Variants in RCE1 observed in about 807,000 individuals in gnomAD.
RCE1 encodes the protein Ras converting CAAX endopeptidase 1, also known as CAAX prenyl protease 2.
RCE1 carries 15 observed loss-of-function variants against 35.0 expected under a neutral mutation model. The ratio of observed to expected loss-of-function variants is 0.43; its 90% CI spans 0.29 to 0.66. RCE1 has a LOEUF of 0.66. RCE1 is among the 30% of genes least tolerant of loss of function. The pLI is 0.17. For missense variants in RCE1, 434 were observed against 433.0 expected (o/e 1.00, Z -0.02); for synonymous variants, 261 against 192.7 (o/e 1.35, Z -2.94).
rs781649264 is a variant in RCE1, at chr11:66,843,760, G to A, written c.187G>A (p.Asp63Asn). The A allele has an allele frequency of 1.9e-6, 3 of 1,613,424 alleles. No individual in the cohort carries two copies. Among genetic ancestry groups the A allele is most frequent in the African/African-American group, 2.7e-5 (2 of 74,940 alleles). The change falls in exon 2 of 8, where the codon GAC (aspartate) becomes AAC (asparagine). Residue 63 changes from aspartate to asparagine, a missense_variant and splice_region_variant. Asp to Asn is a conservative substitution (Grantham distance 23). Coordinates refer to ENST00000309657, the MANE Select transcript of RCE1 (RefSeq NM_005133.3). Reference sequence around the variant, plus strand: ...CTGAACTTACTGTCCCCTCCGTAGGGACCATCCCGCGGTCATCAAGCGACG... The same window carrying A: ...CTGAACTTACTGTCCCCTCCGTAGGAACCATCCCGCGGTCATCAAGCGACG... ...LYVWKSELPR[D>N]HPAVIKRRFT...
At chr11:66,844,768 T>G in intron 4 of RCE1, 101 bp from the exon 5 acceptor site, 1 of 1,422,862 alleles carries the variant, frequency 7.0e-7, no homozygotes, top group African/African-American at 1.4e-5. Flanking sequence ...CTAACCTGAG[T>G]TTGGCCAGGG....
At chr11:66,844,507 A>G in intron 4 of RCE1, 143 bp downstream of exon 4, 1 of 1,190,576 alleles carries the variant, frequency 8.4e-7, no homozygotes, top group Non-Finnish European at 1.2e-6. Context: ...ATGGAAACAT[A>G]GAGCTAGGTG....
chr11:66,844,790 G>T, intron 4 of RCE1, 79 bp from the exon 5 acceptor site: 1 of 1,463,860 alleles, frequency 6.8e-7, no homozygotes. Context: ...AAAGTTGTGG[G>T]AGAGGAGCCC....
At chr11:66,844,087 GA>G (rs1167775497) in intron 3 of RCE1, 48 bp downstream of exon 3, 1 of 1,613,382 alleles carries the variant, frequency 6.2e-7, no homozygotes, top group African/African-American at 1.3e-5. Flanking sequence ...TTATCAGCCT[GA>G]TGGGCAGTGC....
chr11:66,845,867 G>C lies in RCE1; in HGVS notation c.762G>C (p.Leu254=), dbSNP rs142623990. ...TAFLFIRTGH[L]IGPVLCHSFC... is the part of the protein sequence containing the mutation. ...GCTGTCTCTTTTCCCCAGGACACCT[G>C]ATTGGGCCGGTTCTCTGCCATTCCT... Residue 254 remains leucine (L), a synonymous_variant, in exon 8 of 8, where the codon CTG becomes CTC. Transcript: ENST00000309657. 9 of 1,612,942 alleles carry C rather than the reference G, an allele frequency of 5.6e-6. No homozygotes were observed. The African/African-American group carries it at 1.1e-4, about 19-fold the overall frequency.
chr11:66,844,441 G>A (rs1945163089), intron 4 of RCE1, 77 bp downstream of exon 4: 6 of 1,553,104 alleles, frequency 3.9e-6, no homozygotes, highest in Non-Finnish European at 8.9e-7. Flanking sequence ...CGGGCTCAGG[G>A]TGTGATCTGG....
chr11:66,845,432 G>A, intron 6 of RCE1, 68 bp from the exon 7 acceptor site: 4 of 1,612,060 alleles, frequency 2.5e-6, no homozygotes, highest in Non-Finnish European at 3.4e-6. Context: ...GTCTTTGGCT[G>A]ATGGGTATGT....
rs895729736 is a variant in RCE1, at chr11:66,845,092, G to A, written c.619+56G>A. On this transcript the variant is annotated intron_variant, in intron 5 of 7. Coordinates refer to ENST00000309657, the MANE Select transcript of RCE1 (RefSeq NM_005133.3). Reference sequence around the variant, plus strand: ...TTTCAGCATGAGAGCTCAGAAGGGGGCTTGAGGTGAGGGGCAGTCCTAGAA... The same window carrying A: ...TTTCAGCATGAGAGCTCAGAAGGGGACTTGAGGTGAGGGGCAGTCCTAGAA... The A allele has an allele frequency of 4.3e-6, 7 of 1,612,072 alleles. No homozygotes were observed. The Admixed American group carries it at 1.2e-4, about 27-fold the overall frequency.
In RCE1 at chr11:66,845,845, G is replaced by C. The variant is rs373168879; in HGVS notation, c.755-15G>C. ...TGGTAGGGCTGCTCCCTGAGCTGCT[G>C]TCTCTTTTCCCCAGGACACCTGATT... On this transcript the variant is annotated splice_polypyrimidine_tract_variant and intron_variant, in intron 7 of 7. Transcript: ENST00000309657. 7.5e-6 allele frequency: 12 copies of C among 1,610,530 alleles called. No individual in the cohort carries two copies. Among genetic ancestry groups the C allele is most frequent in the Non-Finnish European group, 8.5e-6 (10 of 1,178,612 alleles).
In RCE1 at chr11:66,843,446, T is replaced by C; in HGVS notation, c.-10T>C. On this transcript the variant is annotated 5_prime_UTR_variant, in exon 1 of 8. Transcript: ENST00000309657. ...CTGCGTCACTGGTGCGCGCCGCGGG[T>C]CAGGGCGCAATGGCGGCGCTGGGCG... 2 of 1,400,628 alleles carry C rather than the reference T, an allele frequency of 1.4e-6. No homozygotes were observed. The highest frequency in any genetic ancestry group is 1.8e-6 in the Non-Finnish European group (2 of 1,091,652). The allele number at this position is 1,400,628 out of a possible 1,614,324, so 86.8% of individuals were successfully genotyped here. A position where few individuals can be genotyped will look rare whatever the true frequency, so the allele number is the denominator to read the frequency against.
At chr11:66,845,803 G>A in intron 7 of RCE1, 57 bp from the exon 8 acceptor site, 1 of 1,575,090 alleles carries the variant, frequency 6.3e-7, no homozygotes, top group Non-Finnish European at 8.6e-7. Flanking sequence ...CACTAGCCCT[G>A]GAAGGGCCAG....
chr11:66,844,659 C>A, intron 4 of RCE1: 1 of 831,930 alleles, frequency 1.2e-6, no homozygotes, highest in Non-Finnish European at 1.8e-6. Context: ...GAGTTTACTT[C>A]CAGGATGCCC....
At chr11:66,844,434 G>C (rs1400573240) in intron 4 of RCE1, 70 bp downstream of exon 4, 2 of 1,581,268 alleles carry the variant, frequency 1.3e-6, no homozygotes, top group Non-Finnish European at 1.7e-6. Flanking sequence ...GAGTCAGCGG[G>C]CTCAGGGTGT....
chr11:66,845,969 T>C lies in RCE1; in HGVS notation c.864T>C (p.Tyr288=). 1.2e-6 allele frequency: 2 copies of C among 1,613,900 alleles called. No homozygotes were observed. The highest frequency in any genetic ancestry group is 1.1e-5 in the South Asian group (1 of 91,092). ...HPQRRPLLAG[Y]ALGVGLFLLL... ...AGAGGCGGCCCCTGCTGGCAGGCTA[T>C]GCCCTGGGTGTGGGACTCTTCCTGC... is the stretch of plus-strand genomic sequence containing the variant. Residue 288 remains tyrosine, a synonymous_variant, in exon 8 of 8, where the codon TAT becomes TAC. Transcript: ENST00000309657.
At position 66,846,025 on chromosome 11, in the gene RCE1, T is replaced by C; in HGVS notation, c.920T>C (p.Leu307Pro). ...CTCCAGCCCCTCACGGACCCCAAGC[T>C]CTACGGCAGCCTTCCCCTTTGTGTG... ...LLLQPLTDPK[L>P]YGSLPLCVLL... is the part of the protein sequence containing the mutation. The change falls in exon 8 of 8, where the codon CTC (leucine) becomes CCC (proline). Residue 307 changes from leucine (L) to proline (P), a missense_variant. Transcript: ENST00000309657. The C allele has an allele frequency of 6.2e-7, 1 of 1,613,830 alleles. No homozygotes were observed. Among genetic ancestry groups the C allele is most frequent in the Non-Finnish European group, 8.5e-7 (1 of 1,179,996 alleles).
At chr11:66,844,827 GA>G in intron 4 of RCE1, 41 bp from the exon 5 acceptor site, 1 of 1,501,970 alleles carries the variant, frequency 6.7e-7, no homozygotes, top group South Asian at 1.4e-5. Flanking sequence ...CTCACTGTCT[GA>G]CAGCCCGTCA....
Position 66,846,117 on chromosome 11 carries a change from T to C in RCE1, c.*22T>C. 1.3e-6 allele frequency: 2 copies of C among 1,572,074 alleles called. No homozygotes were observed. The highest frequency in any genetic ancestry group is 1.7e-6 in the Non-Finnish European group (2 of 1,159,010). ...CTGACCTATGCTCCTGGATACGCTA[T>C]GAACTCTCACCGGCTCCCCAGCCCT... On this transcript the variant is annotated 3_prime_UTR_variant, in exon 8 of 8. Transcript: ENST00000309657.
At position 66,846,133 on chromosome 11, in the gene RCE1, C is replaced by G; in HGVS notation, c.*38C>G. ...GATACGCTATGAACTCTCACCGGCT[C>G]CCCAGCCCTCCCCACCAAGGGGTAC... On this transcript the variant is annotated 3_prime_UTR_variant, in exon 8 of 8. Coordinates refer to ENST00000309657, the MANE Select transcript of RCE1 (RefSeq NM_005133.3). 1 of 1,535,350 alleles carries G rather than the reference C, an allele frequency of 6.5e-7. No homozygotes were observed. The highest frequency in any genetic ancestry group is 8.7e-7 in the Non-Finnish European group (1 of 1,144,096).
rs776434852 is a variant in RCE1, at chr11:66,843,877, G to C, written c.288+16G>C. 3 of 1,614,004 alleles carry C rather than the reference G, an allele frequency of 1.9e-6. No homozygotes were observed. In the Admixed American group the frequency reaches 5.0e-5, roughly 27 times the overall value. On this transcript the variant is annotated intron_variant, in intron 2 of 7. Transcript: ENST00000309657. ...AGGCATCCAGGTGCGAAGGAGGCGG[G>C]GCAAAGGGCAACGGCGGTGAGAGCT...
Sources: allele counts gnomAD v4.1 joint callset, GRCh38; gene constraint gnomAD v4.1.1; transcripts MANE v1.5; gene names NCBI Gene and HGNC (gene_info 2026-07-23, HGNC 2026-07-21).